The following PTPRG variants were observed in gnomAD, a reference collection of about 807,000 sequenced individuals.
PTPRG encodes protein tyrosine phosphatase receptor type G, also known as receptor-type tyrosine-protein phosphatase gamma.
PTPRG carries 102 observed loss-of-function variants against 165.3 expected under a neutral mutation model. That is an observed-to-expected ratio of 0.62 (90% CI 0.53 to 0.73). The LOEUF (loss-of-function observed/expected upper bound fraction) is 0.73. Among genes scored for constraint, PTPRG ranks in the 30% least tolerant of loss-of-function variants. PTPRG has a pLI of 0.00. For missense variants in PTPRG, 1,866 were observed against 1,861.4 expected, an observed-to-expected ratio of 1.00 and a Z score of -0.05; for synonymous variants, 675 against 669.5, an observed-to-expected ratio of 1.01 and a Z score of -0.13.
chr3:62,258,380 C>G (rs1179171724), intron 16 of PTPRG, among the ~76,000 whole-genome samples: 1 of 152,176 alleles, frequency 6.6e-6, no homozygotes, highest in African/African-American at 2.4e-5. Context: ...AGAGTTCAAT[C>G]TGGTACTGGG....
At chr3:61,905,008 A>T (rs1160735717) in intron 2 of PTPRG, among the ~76,000 whole-genome samples, 1 of 152,012 alleles carries the variant, frequency 6.6e-6, no homozygotes, top group Non-Finnish European at 1.5e-5. Flanking sequence ...GATGAAGGAA[A>T]GGCTTTTTTT....
chr3:61,830,560 G>GTTTTTTT (rs1220550805), intron 2 of PTPRG, among the ~76,000 whole-genome samples: 2 of 90,106 alleles, frequency 2.2e-5, no homozygotes, highest in Non-Finnish European at 4.6e-5. Context: ...GGTTCTTTTT[G>GTTTTTTT]TTTTTGTTTT....
intron 1 of PTPRG, among the ~76,000 whole-genome samples, chr3:61,577,696 G>C (rs1266144544): frequency 6.6e-6 from 1 of 152,072 alleles, no homozygotes; most frequent in East Asian, 1.9e-4. Context: ...ATTTTTATCG[G>C]ACGGCACTGG....
At chr3:62,119,648 T>C (rs1265727464) in intron 5 of PTPRG, among the ~76,000 whole-genome samples, 1 of 151,486 alleles carries the variant, frequency 6.6e-6, no homozygotes, top group Non-Finnish European at 1.5e-5. Context: ...TGAGACAGAG[T>C]CTTGCTTTGT....
intron 2 of PTPRG, among the ~76,000 whole-genome samples, chr3:61,814,180 C>T (rs1329406765): frequency 2.0e-5 from 3 of 152,168 alleles, no homozygotes; most frequent in Admixed American, 6.5e-5. Flanking sequence ...GGATTACAGG[C>T]GTGAGCCACA....
intron 2 of PTPRG, among the ~76,000 whole-genome samples, chr3:61,968,983 A>G (rs2040330612): frequency 1.3e-5 from 2 of 152,230 alleles, no homozygotes. Context: ...GTCACGTATA[A>G]TTAAAACTAA....
chr3:62,025,417 A>T (rs1354945720), intron 4 of PTPRG, among the ~76,000 whole-genome samples: 1 of 152,148 alleles, frequency 6.6e-6, no homozygotes, highest in Non-Finnish European at 1.5e-5. Flanking sequence ...TGGAATTTTC[A>T]ATTAAATATA....
intron 1 of PTPRG, among the ~76,000 whole-genome samples, chr3:61,638,393 T>C (rs946262455): frequency 3.9e-5 from 6 of 152,098 alleles, no homozygotes; most frequent in Non-Finnish European, 7.3e-5. Context: ...AAGAACCCTG[T>C]GAATTGTACC....
chr3:61,900,177 T>C (rs1199353004), intron 2 of PTPRG, among the ~76,000 whole-genome samples: 1 of 151,734 alleles, frequency 6.6e-6, no homozygotes, highest in Non-Finnish European at 1.5e-5. Context: ...TTAGAGGCAA[T>C]AAGGAAACAA....
intron 5 of PTPRG, among the ~76,000 whole-genome samples, chr3:62,085,773 T>C (rs1371634102): frequency 6.6e-6 from 1 of 152,246 alleles, no homozygotes; most frequent in African/African-American, 2.4e-5. Context: ...TATTCATTCT[T>C]GCATTCATTT....
intron 2 of PTPRG, among the ~76,000 whole-genome samples, chr3:61,934,323 C>T (rs986549881): frequency 1.3e-5 from 2 of 151,962 alleles, no homozygotes; most frequent in Non-Finnish European, 2.9e-5. Flanking sequence ...TATATCCTTG[C>T]ATTTGCTCTA....
chr3:62,277,035 C>T lies in PTPRG; in HGVS notation c.3623C>T (p.Ala1208Val). ...ATGAAAGGAACAGATTACATTAATG[C>T]TTCTTATATCATGGTGAGAGTCAAC... ...PGMKGTDYINASYIMGYYRSN... is the reference protein window; with the variant it reads ...PGMKGTDYINVSYIMGYYRSN... Residue 1208 changes from alanine to valine, a missense_variant, in exon 25 of 30, where the codon GCT (alanine) becomes GTT (valine). By Grantham distance (64) the Ala-to-Val change is moderately conservative. Coordinates refer to ENST00000474889, the MANE Select transcript of PTPRG (RefSeq NM_002841.4). 6.2e-7 allele frequency: 1 copy of T among 1,612,032 alleles called. No individual in the cohort carries two copies. Among genetic ancestry groups the T allele is most frequent in the Non-Finnish European group, 8.5e-7 (1 of 1,178,494 alleles).
chr3:61,642,459 G>C (rs1702094043), intron 1 of PTPRG, among the ~76,000 whole-genome samples: 1 of 152,194 alleles, frequency 6.6e-6, no homozygotes, highest in South Asian at 2.1e-4. Flanking sequence ...GAAAGCAACT[G>C]AAGAGTGATC....
chr3:61,642,226 CCT>C (rs1447360915), intron 1 of PTPRG, among the ~76,000 whole-genome samples: 1 of 152,100 alleles, frequency 6.6e-6, no homozygotes, highest in Non-Finnish European at 1.5e-5. Flanking sequence ...GTGGCGTATG[CCT>C]CTCTCTCCTT....
At chr3:62,118,843 G>C (rs75161833) in intron 5 of PTPRG, among the ~76,000 whole-genome samples, 2 of 152,274 alleles carry the variant, frequency 1.3e-5, no homozygotes, top group East Asian at 3.9e-4. Flanking sequence ...ACACAGCCAA[G>C]ACTTGGATCA....
chr3:61,931,857 A>G (rs2039369868), intron 2 of PTPRG, among the ~76,000 whole-genome samples: 1 of 152,214 alleles, frequency 6.6e-6, no homozygotes, highest in Non-Finnish European at 1.5e-5. Flanking sequence ...TCTCATGTTT[A>G]ATAACAAAAT....
At chr3:61,574,454 C>G (rs1001941989) in intron 1 of PTPRG, among the ~76,000 whole-genome samples, 2 of 152,164 alleles carry the variant, frequency 1.3e-5, no homozygotes, top group African/African-American at 4.8e-5. Context: ...ATCCCTCTTC[C>G]CACCAGTTGT....
chr3:61,993,312 G>T (rs251035), intron 3 of PTPRG, among the ~76,000 whole-genome samples: 51,236 of 151,538 alleles, frequency 0.34, 8,876 homozygotes, highest in African/African-American at 0.43. Context: ...CCGCCTCCCG[G>T]GTTTAAGCAA....
Position 62,080,338 on chromosome 3 carries a change from A to T in PTPRG, c.615+2080A>T, listed in dbSNP as rs1049413374. 2.6e-5 allele frequency among the ~76,000 whole-genome samples: 4 copies of T among 152,084 alleles called. No individual in the cohort carries two copies. In the East Asian group the frequency reaches 7.8e-4, roughly 30 times the overall value. The stretch of plus-strand genomic sequence containing the variant: ...TGATCCGCCTGCCTCGGCCTCCCAA[A>T]GTGCTGGGATTACAGGTGTGAGCCA... On this transcript the variant is annotated intron_variant, in intron 5 of 29. Coordinates refer to ENST00000474889, the MANE Select transcript of PTPRG (RefSeq NM_002841.4).
Sources: gnomAD v4.1 joint callset for allele counts (sites outside exome capture counted in the v4.1 genomes callset) on GRCh38, gnomAD v4.1.1 for gene constraint, MANE v1.5 for transcripts, NCBI Gene and HGNC (gene_info 2026-07-23, HGNC 2026-07-21) for gene names.